Variants in FBXO11 observed in about 807,000 individuals in gnomAD.
FBXO11 encodes F-box only protein 11.
In FBXO11, 13 loss-of-function variants were observed where a neutral mutation model predicts 117.0. The observed-to-expected ratio is 0.11, with a 90% CI of 0.07 to 0.18. The LOEUF (loss-of-function observed/expected upper bound fraction) is 0.18. FBXO11 is among the 10% of genes least tolerant of loss of function. The probability of loss-of-function intolerance (pLI) is 1.00; values close to 1 mark genes in which losing one functional copy is unlikely to be tolerated. For synonymous variants in FBXO11, 490 were observed against 380.5 expected, an observed-to-expected ratio of 1.29 and a Z score of -3.35; for missense variants, 767 against 1,164.4, an observed-to-expected ratio of 0.66 and a Z score of 4.97.
intron 1 of FBXO11, among the ~76,000 whole-genome samples, chr2:47,899,454 G>A (rs1339675782): frequency 2.0e-5 from 3 of 151,990 alleles, no homozygotes; most frequent in Non-Finnish European, 4.4e-5. Flanking sequence ...CATGTGCTAG[G>A]AACTTTACTA....
chr2:47,813,996 A>G (rs1368368625), intron 16 of FBXO11, 129 bp from the exon 17 acceptor site: 1 of 654,098 alleles, frequency 1.5e-6, no homozygotes, highest in African/African-American at 1.8e-5. Flanking sequence ...ATGGAGTCCA[A>G]GATGCCCTGA....
At position 47,808,250 on chromosome 2, in the gene FBXO11, A is replaced by G; in HGVS notation, c.2655-3T>C. 3 of 1,612,562 alleles carry G rather than the reference A, an allele frequency of 1.9e-6. No homozygotes were observed. The highest frequency in any genetic ancestry group is 2.5e-6 in the Non-Finnish European group (3 of 1,179,702). On this transcript the variant is annotated splice_region_variant and splice_polypyrimidine_tract_variant and intron_variant, in intron 22 of 22. Transcript: ENST00000403359. ...CAGCACCACAGTCACAGAAAAACCT[A>G]AAGCAAAATGAAACCCAAATATTAG...
intron 12 of FBXO11, 26 bp from the exon 13 acceptor site, chr2:47,822,329 A>AG: frequency 6.9e-7 from 1 of 1,445,642 alleles, no homozygotes; most frequent in Non-Finnish European, 9.5e-7. Context: ...ATAAAAAAAA[A>AG]GAAGACATCT....
chr2:47,838,020 G>C (rs1672721992), intron 4 of FBXO11, among the ~76,000 whole-genome samples: 1 of 146,020 alleles, frequency 6.8e-6, no homozygotes, highest in Admixed American at 7.0e-5. Flanking sequence ...GACCCCAGGA[G>C]TTCAAGATCA....
intron 1 of FBXO11, among the ~76,000 whole-genome samples, chr2:47,854,196 A>T (rs529366558): frequency 6.6e-6 from 1 of 152,086 alleles, no homozygotes; most frequent in African/African-American, 2.4e-5. Context: ...GTTTAAGAAT[A>T]TTCTTTTTTT....
At chr2:47,897,446 C>T (rs1677758420) in intron 1 of FBXO11, among the ~76,000 whole-genome samples, 1 of 152,118 alleles carries the variant, frequency 6.6e-6, no homozygotes, top group Non-Finnish European at 1.5e-5. Flanking sequence ...CCTGTAATCC[C>T]AGCATTTTGG....
At chr2:47,869,529 A>C (rs1029510297) in intron 1 of FBXO11, among the ~76,000 whole-genome samples, 1 of 152,194 alleles carries the variant, frequency 6.6e-6, no homozygotes, top group Non-Finnish European at 1.5e-5. Flanking sequence ...AAACTACAAC[A>C]ACCCAATTCA....
At position 47,905,978 on chromosome 2, in the gene FBXO11, G is replaced by C. The variant is rs923445674; in HGVS notation, c.-258C>G. The stretch of plus-strand genomic sequence containing the variant: ...GGGGAAGGCCGAAGCCGCCGGGCGG[G>C]GCGGCCGCGAGGGACGAAGGCAGAA... On this transcript the variant is annotated 5_prime_UTR_variant, in exon 1 of 23. Transcript: ENST00000403359. The C allele has an allele frequency of 2.7e-5, 11 of 409,914 alleles. No homozygotes were observed. The highest frequency in any genetic ancestry group is 4.4e-5 in the Non-Finnish European group (10 of 228,504). The allele number at this position is 409,914 out of a possible 1,614,324, so 25.4% of individuals were successfully genotyped here.
intron 1 of FBXO11, among the ~76,000 whole-genome samples, chr2:47,849,759 G>A (rs1001429839): frequency 1.3e-5 from 2 of 152,220 alleles, no homozygotes; most frequent in African/African-American, 4.8e-5. Context: ...AGTCAGTTAT[G>A]CAGAAGGAAT....
At chr2:47,819,359 G>A (rs966341326) in intron 14 of FBXO11, among the ~76,000 whole-genome samples, 1 of 152,132 alleles carries the variant, frequency 6.6e-6, no homozygotes, top group African/African-American at 2.4e-5. Context: ...AGGATTACAG[G>A]CGTCTGCCAC....
intron 5 of FBXO11, among the ~76,000 whole-genome samples, chr2:47,835,496 T>A (rs1672484755): frequency 6.6e-6 from 1 of 151,990 alleles, no homozygotes; most frequent in South Asian, 2.1e-4. Context: ...TAAAACCTAC[T>A]CAACTTTTTT....
At chr2:47,888,672 GAC>G (rs1677044786) in intron 1 of FBXO11, 3 of 982,978 alleles carry the variant, frequency 3.1e-6, no homozygotes, top group Non-Finnish European at 3.6e-6. Context: ...TTTCCTGTTA[GAC>G]AGTTTTTCAG....
At chr2:47,885,050 T>G (rs563233115) in intron 1 of FBXO11, among the ~76,000 whole-genome samples, 1 of 152,216 alleles carries the variant, frequency 6.6e-6, no homozygotes, top group East Asian at 1.9e-4. Context: ...GTGAATAAGA[T>G]GAACTTACTA....
chr2:47,871,358 C>T (rs1202377961), intron 1 of FBXO11, among the ~76,000 whole-genome samples: 1 of 152,220 alleles, frequency 6.6e-6, no homozygotes, highest in South Asian at 2.1e-4. Flanking sequence ...ATCCTGAAAG[C>T]ACATACTCCA....
At chr2:47,828,681 G>C (rs1317573802) in intron 11 of FBXO11, among the ~76,000 whole-genome samples, 2 of 151,244 alleles carry the variant, frequency 1.3e-5, no homozygotes, top group Non-Finnish European at 2.9e-5. Context: ...AAAAAAGAGA[G>C]AAAAATGCTA....
At chr2:47,844,504 C>T (rs1423316582) in intron 1 of FBXO11, among the ~76,000 whole-genome samples, 5 of 150,986 alleles carry the variant, frequency 3.3e-5, no homozygotes, top group Admixed American at 6.6e-5. Context: ...GACCAAAAGC[C>T]CCCTGTGCTA....
In FBXO11 at chr2:47,809,544, G is replaced by A. The variant is rs75175886; in HGVS notation, c.2446+56C>T. On this transcript the variant is annotated intron_variant, in intron 20 of 22. Coordinates refer to ENST00000403359, the MANE Select transcript of FBXO11 (RefSeq NM_001190274.2). ...GGAATCAAGTTATAAAACGGCTTCT[G>A]ATTATCTTTCATGGCATATTGCATA... 2.0e-4 allele frequency: 264 copies of A among 1,289,010 alleles called. 2 individuals are homozygous for A. The East Asian group carries it at 5.4e-3, about 26-fold the overall frequency. 79.8% of individuals were successfully genotyped at this position (1,289,010 alleles called of 1,614,324 possible).
At chr2:47,824,231 GCCTCCCAGCACTTTGGA>G (rs1671583826) in intron 11 of FBXO11, among the ~76,000 whole-genome samples, 1 of 152,136 alleles carries the variant, frequency 6.6e-6, no homozygotes, top group Admixed American at 6.5e-5. Context: ...TTGTGGCTGG[GCCTCCCAGCACTTTGGA>G]AGACCGAGCA....
intron 1 of FBXO11, among the ~76,000 whole-genome samples, chr2:47,901,402 C>T (rs1678292319): frequency 6.6e-6 from 1 of 151,740 alleles, no homozygotes; most frequent in South Asian, 2.1e-4. Flanking sequence ...AAAAATACAT[C>T]TATTTTCAAA....
Sources: allele counts gnomAD v4.1 joint callset (sites outside exome capture counted in the v4.1 genomes callset), GRCh38; gene constraint gnomAD v4.1.1; transcripts MANE v1.5; gene names NCBI Gene and HGNC (gene_info 2026-07-23, HGNC 2026-07-21).